Variants in CD2AP observed in about 807,000 individuals in gnomAD.
The protein encoded by CD2AP is CD2-associated protein.
Under a neutral mutation model 85.1 loss-of-function variants are expected in CD2AP, and 46 were observed. The ratio of observed to expected loss-of-function variants is 0.54; its 90% CI spans 0.43 to 0.69. The LOEUF is 0.69. CD2AP is among the 30% of genes least tolerant of loss of function. CD2AP has a pLI of 0.00. For synonymous variants in CD2AP, 255 were observed against 252.9 expected (o/e 1.01, Z -0.08); for missense variants, 769 against 729.5 (o/e 1.05, Z -0.62).
At chr6:47,619,286 A>G (rs900855487) in intron 17 of CD2AP, among the ~76,000 whole-genome samples, 1 of 151,444 alleles carries the variant, frequency 6.6e-6, no homozygotes, top group African/African-American at 2.4e-5. Context: ...TTGCTTCCTC[A>G]TAGCTTAGCT....
intron 2 of CD2AP, among the ~76,000 whole-genome samples, chr6:47,519,452 G>C (rs1766529439): frequency 6.6e-6 from 1 of 152,168 alleles, no homozygotes; most frequent in Admixed American, 6.5e-5. Flanking sequence ...TTTGGAATCA[G>C]GATGTGTAGA....
intron 5 of CD2AP, among the ~76,000 whole-genome samples, chr6:47,558,827 G>A (rs563860103): frequency 3.3e-5 from 5 of 152,282 alleles, no homozygotes; most frequent in Admixed American, 1.3e-4. Context: ...TCAGGATGAT[G>A]CTGGCATCAT....
At chr6:47,605,234 G>A (rs1432845324) in intron 13 of CD2AP, among the ~76,000 whole-genome samples, 1 of 151,930 alleles carries the variant, frequency 6.6e-6, no homozygotes, top group African/African-American at 2.4e-5. Context: ...TTCTGAGTTT[G>A]GAATCTGGGG....
At chr6:47,607,146 T>C (rs2114146902) in intron 14 of CD2AP, among the ~76,000 whole-genome samples, 1 of 152,286 alleles carries the variant, frequency 6.6e-6, no homozygotes, top group Middle Eastern at 3.4e-3. Flanking sequence ...TCATTCTTTT[T>C]TGTGACTGAA....
chr6:47,541,464 T>TA (rs1202179372), intron 3 of CD2AP, among the ~76,000 whole-genome samples: 1 of 152,066 alleles, frequency 6.6e-6, no homozygotes, highest in Non-Finnish European at 1.5e-5. Flanking sequence ...AAAACTACAA[T>TA]AAAAAATCAG....
chr6:47,577,151 A>C (rs1562040408), intron 8 of CD2AP, 48 bp downstream of exon 8: 1 of 1,019,086 alleles, frequency 9.8e-7, no homozygotes, highest in Non-Finnish European at 1.6e-6. Flanking sequence ...ATTTATAGAA[A>C]TATTTTTCAA....
chr6:47,573,640 CA>C (rs1208421514), intron 5 of CD2AP, among the ~76,000 whole-genome samples: 2 of 151,850 alleles, frequency 1.3e-5, no homozygotes, highest in East Asian at 3.9e-4. Context: ...AGGCACCTGC[CA>C]CCATGCCCGG....
intron 2 of CD2AP, among the ~76,000 whole-genome samples, chr6:47,524,067 A>C (rs1303382166): frequency 6.6e-6 from 1 of 152,342 alleles, no homozygotes; most frequent in East Asian, 1.9e-4. Context: ...TCATACTGTA[A>C]ATAGAAATTC....
chr6:47,509,830 T>C (rs2113991142), intron 2 of CD2AP, among the ~76,000 whole-genome samples: 1 of 152,068 alleles, frequency 6.6e-6, no homozygotes, highest in East Asian at 1.9e-4. Context: ...TCTAATACAT[T>C]TTTTTTTGTA....
rs188156912 is a variant in CD2AP, at chr6:47,521,137, A to G, written c.166-12465A>G. Among the ~76,000 whole-genome samples, 163 of 152,288 alleles carry G rather than the reference A, an allele frequency of 1.1e-3. No individual in the cohort carries two copies. In the South Asian group the frequency reaches 0.012, roughly 11 times the overall value. On this transcript the variant is annotated intron_variant, in intron 2 of 17. Transcript: ENST00000359314. ...GGAAACACCTACTCCATCTTTCTGT[A>G]AGGGAAAATCTAGATGGTGATGCTT... is the stretch of plus-strand genomic sequence containing the variant.
chr6:47,580,149 T>C (rs987695892), intron 9 of CD2AP, among the ~76,000 whole-genome samples: 3 of 152,228 alleles, frequency 2.0e-5, no homozygotes, highest in African/African-American at 7.2e-5. Flanking sequence ...CTTTGTTTTG[T>C]TAGATTGCAT....
intron 3 of CD2AP, among the ~76,000 whole-genome samples, chr6:47,538,794 C>T (rs1767123048): frequency 6.6e-6 from 1 of 152,122 alleles, no homozygotes; most frequent in Non-Finnish European, 1.5e-5. Context: ...TTTGTTTGAT[C>T]TGAATATTTA....
intron 5 of CD2AP, among the ~76,000 whole-genome samples, chr6:47,556,144 T>C (rs1194568256): frequency 6.6e-6 from 1 of 151,374 alleles, no homozygotes; most frequent in Non-Finnish European, 1.5e-5. Context: ...TGTGCCATGG[T>C]GGTTTGCACC....
chr6:47,513,553 T>A (rs948679684), intron 2 of CD2AP, among the ~76,000 whole-genome samples: 4 of 147,436 alleles, frequency 2.7e-5, no homozygotes, highest in African/African-American at 1.0e-4. Context: ...TTTTTTTTTC[T>A]CCCAGAATGC....
chr6:47,530,298 T>C (rs1453498741), intron 2 of CD2AP, among the ~76,000 whole-genome samples: 1 of 152,224 alleles, frequency 6.6e-6, no homozygotes, highest in Non-Finnish European at 1.5e-5. Flanking sequence ...CCGTGAAACC[T>C]CTGGCACAAT....
At position 47,582,125 on chromosome 6, in the gene CD2AP, G is replaced by C. The variant is rs753799824; in HGVS notation, c.1108+60G>C. 3.8e-6 allele frequency: 4 copies of C among 1,050,154 alleles called. No homozygotes were observed. In the Admixed American group the frequency reaches 5.1e-5, roughly 13 times the overall value. 65.1% of individuals were successfully genotyped at this position (1,050,154 alleles called of 1,614,324 possible). On this transcript the variant is annotated intron_variant, in intron 11 of 17. Transcript: ENST00000359314. ...ATTTCTTTTATTGTCATTTTAAAGA[G>C]AATTATTTCTCCACACTGAGTTATT...
intron 5 of CD2AP, among the ~76,000 whole-genome samples, chr6:47,568,427 T>G (rs1317818388): frequency 6.6e-6 from 1 of 152,226 alleles, no homozygotes; most frequent in South Asian, 2.1e-4. Flanking sequence ...TGGGGCTTGA[T>G]AGTACTTTAG....
chr6:47,534,505 G>T (rs931803483), intron 3 of CD2AP, among the ~76,000 whole-genome samples: 1 of 151,964 alleles, frequency 6.6e-6, no homozygotes, highest in Non-Finnish European at 1.5e-5. Context: ...TCAGGAGTTC[G>T]AGACCAGCCT....
intron 3 of CD2AP, among the ~76,000 whole-genome samples, chr6:47,539,622 G>A (rs762954797): frequency 6.6e-6 from 1 of 152,162 alleles, no homozygotes; most frequent in Non-Finnish European, 1.5e-5. Flanking sequence ...TGTAGTCTTT[G>A]ATGGATTATT....
Sources: allele counts gnomAD v4.1 joint callset (sites outside exome capture counted in the v4.1 genomes callset), GRCh38; gene constraint gnomAD v4.1.1; transcripts MANE v1.5; gene names NCBI Gene and HGNC (gene_info 2026-07-23, HGNC 2026-07-21).